The following GADD45GIP1 variants were observed in gnomAD, a reference collection of about 807,000 sequenced individuals.
GADD45GIP1 encodes large ribosomal subunit protein mL64.
A neutral mutation model predicts 22.1 loss-of-function variants in GADD45GIP1; 17 were observed. The observed-to-expected ratio is 0.77, with a 90% CI of 0.53 to 1.15. The LOEUF (loss-of-function observed/expected upper bound fraction) is 1.15. GADD45GIP1 is among the 50% of genes most tolerant of loss of function. The probability of loss-of-function intolerance (pLI) is 0.00; values close to 1 mark genes in which losing one functional copy is unlikely to be tolerated. For synonymous variants in GADD45GIP1, 135 were observed against 138.4 expected (o/e 0.98, Z 0.17); for missense variants, 294 against 314.0 (o/e 0.94, Z 0.48).
chr19:12,954,164 G>T lies in GADD45GIP1; in HGVS notation c.*44C>A. 1.3e-6 allele frequency: 2 copies of T among 1,528,814 alleles called. No homozygotes were observed. Among genetic ancestry groups the T allele is most frequent in the South Asian group, 1.2e-5 (1 of 85,468 alleles). The allele number at this position is 1,528,814 out of a possible 1,614,324, so 94.7% of individuals were successfully genotyped here. ...CCTTGAGAGGACGCAGATCTCTTCAGGGGTACTGCCAGGTAGCAGGCTTTA... is the reference window on the plus strand; with the variant it reads ...CCTTGAGAGGACGCAGATCTCTTCATGGGTACTGCCAGGTAGCAGGCTTTA... On this transcript the variant is annotated 3_prime_UTR_variant, in exon 2 of 2. Coordinates refer to ENST00000316939, the MANE Select transcript of GADD45GIP1 (RefSeq NM_052850.4).
intron 1 of GADD45GIP1, among the ~76,000 whole-genome samples, chr19:12,954,861 TC>T (rs1339372679): frequency 3.3e-5 from 5 of 152,224 alleles, no homozygotes; most frequent in Admixed American, 1.3e-4. Flanking sequence ...GCTGAGCACT[TC>T]CTGTACAGAG....
chr19:12,954,155 A>T lies in GADD45GIP1; in HGVS notation c.*53T>A, dbSNP rs1179771047. 6.8e-7 allele frequency: 1 copy of T among 1,463,862 alleles called. No homozygotes were observed. Among genetic ancestry groups the T allele is most frequent in the Admixed American group, 2.0e-5 (1 of 51,056 alleles). The allele number at this position is 1,463,862 out of a possible 1,614,324, so 90.7% of individuals were successfully genotyped here. A position where few individuals can be genotyped will look rare whatever the true frequency, so the allele number is the denominator to read the frequency against. On this transcript the variant is annotated 3_prime_UTR_variant, in exon 2 of 2. Coordinates refer to ENST00000316939, the MANE Select transcript of GADD45GIP1 (RefSeq NM_052850.4). ...AGAGGCACACCTTGAGAGGACGCAG[A>T]TCTCTTCAGGGGTACTGCCAGGTAG...
At chr19:12,956,616 T>C (rs1162985020) in intron 1 of GADD45GIP1, among the ~76,000 whole-genome samples, 2 of 152,226 alleles carry the variant, frequency 1.3e-5, no homozygotes, top group Non-Finnish European at 2.9e-5. Context: ...ATCTTGCGAC[T>C]GCACTCCAGC....
At chr19:12,956,839 C>T (rs1197627930) in intron 1 of GADD45GIP1, 24 bp downstream of exon 1, 24 of 1,586,080 alleles carry the variant, frequency 1.5e-5, no homozygotes, top group Non-Finnish European at 2.0e-5. Flanking sequence ...GAGGGCAGCC[C>T]CGCGTCTGCC....
At chr19:12,954,843 T>C (rs1971904202) in intron 1 of GADD45GIP1, among the ~76,000 whole-genome samples, 2 of 152,214 alleles carry the variant, frequency 1.3e-5, no homozygotes, top group Admixed American at 6.5e-5. Context: ...CTTTATTTCA[T>C]AGACATTGCT....
At chr19:12,955,002 C>A (rs954592690) in intron 1 of GADD45GIP1, among the ~76,000 whole-genome samples, 1 of 152,134 alleles carries the variant, frequency 6.6e-6, no homozygotes, top group Non-Finnish European at 1.5e-5. Context: ...AGGTTTGTTA[C>A]GTAGGTAAAC....
rs1032652020 is a variant in GADD45GIP1, at chr19:12,957,042, C to T, written c.171G>A (p.Ala57=). The change falls in exon 1 of 2, where the codon GCG becomes GCA. Residue 57 remains alanine (A), a synonymous_variant. Coordinates refer to ENST00000316939, the MANE Select transcript of GADD45GIP1 (RefSeq NM_052850.4). The part of the protein sequence containing the change: ...TPRWQLGPRY[A]AKQFARYGAA... ...CGCCGTAACGCGCGAACTGCTTAGC[C>T]GCGTAGCGCGGTCCCAGCTGCCACC... 9 of 1,586,474 alleles carry T rather than the reference C, an allele frequency of 5.7e-6. No homozygotes were observed. The highest frequency in any genetic ancestry group is 1.1e-5 in the South Asian group (1 of 89,178).
rs7395 is a variant in GADD45GIP1 at position 12,953,508 on chromosome 19, G to T, written c.*700C>A. On this transcript the variant is annotated 3_prime_UTR_variant, in exon 2 of 2. Coordinates refer to ENST00000316939, the MANE Select transcript of GADD45GIP1 (RefSeq NM_052850.4). ...TAGGGCAAGTCCTGAAAGGCCCAAGGCCCCCTCCCCAGTCTGGCCTTGGCC... is the reference window on the plus strand; with the variant it reads ...TAGGGCAAGTCCTGAAAGGCCCAAGTCCCCCTCCCCAGTCTGGCCTTGGCC... 6,421 of 153,782 alleles carry T rather than the reference G, an allele frequency of 0.042. 172 individuals are homozygous for T. Among genetic ancestry groups the T allele is most frequent in the African/African-American group, 0.071 (2,955 of 41,540 alleles). The allele number at this position is 153,782 out of a possible 1,614,324, so 9.5% of individuals were successfully genotyped here.
chr19:12,954,385 C>T lies in GADD45GIP1; in HGVS notation c.492G>A (p.Leu164=), dbSNP rs201120079. 1 of 1,614,208 alleles carries T rather than the reference C, an allele frequency of 6.2e-7. No homozygotes were observed. The highest frequency in any genetic ancestry group is 2.2e-5 in the East Asian group (1 of 44,882). The change falls in exon 2 of 2, where the codon CTG becomes CTA. Residue 164 remains leucine, a synonymous_variant. Coordinates refer to ENST00000316939, the MANE Select transcript of GADD45GIP1 (RefSeq NM_052850.4). ...CACTCCTTGGGTCCACCTGGTAGCC[C>T]AGGAGCTCCTGGGCCTCAGCCTGCA... The part of the protein sequence containing the change: ...ARLQAEAQEL[L]GYQVDPRSAR...
chr19:12,955,686 C>A (rs749634157), intron 1 of GADD45GIP1, among the ~76,000 whole-genome samples: 11 of 152,000 alleles, frequency 7.2e-5, no homozygotes, highest in Non-Finnish European at 1.5e-4. Flanking sequence ...ATGGCGAAAC[C>A]CCATCTCTAC....
rs1432513514 is a variant in GADD45GIP1, at chr19:12,956,859, G to A, written c.350+4C>T. On this transcript the variant is annotated splice_donor_region_variant and intron_variant, in intron 1 of 1. Coordinates refer to ENST00000316939, the MANE Select transcript of GADD45GIP1 (RefSeq NM_052850.4). Reference sequence around the variant, plus strand: ...CAGCCCCGCGTCTGCCTGCACGCACGCACCTCTCCCGACGCTTCTGCTCTT... The same window carrying A: ...CAGCCCCGCGTCTGCCTGCACGCACACACCTCTCCCGACGCTTCTGCTCTT... The A allele has an allele frequency of 1.3e-6, 2 of 1,595,196 alleles. No homozygotes were observed. Among genetic ancestry groups the A allele is most frequent in the African/African-American group, 1.3e-5 (1 of 74,232 alleles).
Position 12,955,510 on chromosome 19 carries a change from G to A in GADD45GIP1, c.351-984C>T, listed in dbSNP as rs118072997. On this transcript the variant is annotated intron_variant, in intron 1 of 1. Coordinates refer to ENST00000316939, the MANE Select transcript of GADD45GIP1 (RefSeq NM_052850.4). ...GGAAAACAAGAAGATTAAACACCAG[G>A]AACACACTTGACCTACCCCCTTCAC... Among the ~76,000 whole-genome samples the A allele has an allele frequency of 0.011, 1,718 of 152,164 alleles. 75 individuals carry two copies. The East Asian group carries it at 0.12, about 11-fold the overall frequency.
Position 12,954,148 on chromosome 19 carries a change from G to A in GADD45GIP1, c.*60C>T. On this transcript the variant is annotated 3_prime_UTR_variant, in exon 2 of 2. Coordinates refer to ENST00000316939, the MANE Select transcript of GADD45GIP1 (RefSeq NM_052850.4). ...GACCCAGAGAGGCACACCTTGAGAG[G>A]ACGCAGATCTCTTCAGGGGTACTGC... 7.1e-7 allele frequency: 1 copy of A among 1,411,088 alleles called. No homozygotes were observed. The highest frequency in any genetic ancestry group is 2.0e-5 in the Admixed American group (1 of 49,322). The allele number at this position is 1,411,088 out of a possible 1,614,324, so 87.4% of individuals were successfully genotyped here.
At position 12,953,159 on chromosome 19, in the gene GADD45GIP1, AT is replaced by A. The variant is rs1205740520; in HGVS notation, c.*1048del. 1.2e-5 allele frequency: 9 copies of A among 781,062 alleles called. No individual in the cohort carries two copies. The highest frequency in any genetic ancestry group is 1.3e-5 in the Non-Finnish European group (7 of 519,196). The allele number at this position is 781,062 out of a possible 1,614,324, so 48.4% of individuals were successfully genotyped here. A position where few individuals can be genotyped will look rare whatever the true frequency, so the allele number is the denominator to read the frequency against. On this transcript the variant is annotated 3_prime_UTR_variant, in exon 2 of 2. Transcript: ENST00000316939. ...GTTTATTTAAGAAATGGAAAAAAAAATCAAAAATCTTAAAAAAACAAGCAAA... is the reference window on the plus strand; with the variant it reads ...GTTTATTTAAGAAATGGAAAAAAAAACAAAAATCTTAAAAAAACAAGCAAA...
At position 12,954,265 on chromosome 19, in the gene GADD45GIP1, A is replaced by C; in HGVS notation, c.612T>G (p.Ala204=). 12 of 1,613,916 alleles carry C rather than the reference A, an allele frequency of 7.4e-6. No individual in the cohort carries two copies. Among genetic ancestry groups the C allele is most frequent in the Non-Finnish European group, 8.5e-6 (10 of 1,180,030 alleles). ...KQKRKKEARA[A]ALAAAVAQDP... ...CTTGAGCCACAGCTGCAGCCAATGCAGCAGCTCGCGCCTCCTTCTTCCGTT... is the reference window on the plus strand; with the variant it reads ...CTTGAGCCACAGCTGCAGCCAATGCCGCAGCTCGCGCCTCCTTCTTCCGTT... The change falls in exon 2 of 2, where the codon GCT becomes GCG. Residue 204 remains alanine (A), a synonymous_variant. Transcript: ENST00000316939.
At chr19:12,956,393 C>T (rs1026740020) in intron 1 of GADD45GIP1, among the ~76,000 whole-genome samples, 8 of 152,158 alleles carry the variant, frequency 5.3e-5, no homozygotes, top group African/African-American at 1.7e-4. Flanking sequence ...ATGGCTCACA[C>T]CTGTAATCCC....
In GADD45GIP1 at chr19:12,954,278, T is replaced by G. The variant is rs763458570; in HGVS notation, c.599A>C (p.Glu200Ala). The change falls in exon 2 of 2, where the codon GAG becomes GCG. Residue 200 changes from glutamate to alanine, a missense_variant. Transcript: ENST00000316939. ...LKEEKQKRKK[E>A]ARAAALAAAV... ...TGCAGCCAATGCAGCAGCTCGCGCC[T>G]CCTTCTTCCGTTTCTGTTTTTCCTC... 5.0e-6 allele frequency: 8 copies of G among 1,613,966 alleles called. No homozygotes were observed. The highest frequency in any genetic ancestry group is 2.2e-5 in the East Asian group (1 of 44,886).
In GADD45GIP1 at chr19:12,953,227, T is replaced by C. The variant is rs567034944; in HGVS notation, c.*981A>G. The stretch of plus-strand genomic sequence containing the variant: ...CCTCCTAAAGTGGCCCCTGTTCCCA[T>C]CTCCCGGGCCAGACAGCTGTCCCCC... On this transcript the variant is annotated 3_prime_UTR_variant, in exon 2 of 2. Transcript: ENST00000316939. 3.2e-5 allele frequency: 15 copies of C among 462,470 alleles called. No homozygotes were observed. In the South Asian group the frequency reaches 6.1e-4, roughly 19 times the overall value. 28.6% of individuals were successfully genotyped at this position (462,470 alleles called of 1,614,324 possible). A position where few individuals can be genotyped will look rare whatever the true frequency, so the allele number is the denominator to read the frequency against.
At position 12,954,482 on chromosome 19, in the gene GADD45GIP1, A is replaced by G; in HGVS notation, c.395T>C (p.Ile132Thr). ...CCGCTGCTGCTGCTGCCAGTTCACAATCATCTGTGGCATCTTGGCCATGCA... is the reference window on the plus strand; with the variant it reads ...CCGCTGCTGCTGCTGCCAGTTCACAGTCATCTGTGGCATCTTGGCCATGCA... ...AECMAKMPQM[I>T]VNWQQQQREN... is the part of the protein sequence containing the mutation. The change falls in exon 2 of 2, where the codon ATT becomes ACT. Residue 132 changes from isoleucine to threonine, a missense_variant. Coordinates refer to ENST00000316939, the MANE Select transcript of GADD45GIP1 (RefSeq NM_052850.4). The G allele has an allele frequency of 3.1e-6, 5 of 1,613,964 alleles. No homozygotes were observed. The highest frequency in any genetic ancestry group is 4.2e-6 in the Non-Finnish European group (5 of 1,179,962).
Sources: gnomAD v4.1 joint callset for allele counts (sites outside exome capture counted in the v4.1 genomes callset) on GRCh38, gnomAD v4.1.1 for gene constraint, MANE v1.5 for transcripts, NCBI Gene and HGNC (gene_info 2026-07-23, HGNC 2026-07-21) for gene names.